The following SCN9A variants were observed in gnomAD, a reference collection of about 807,000 sequenced individuals.
SCN9A encodes the protein sodium voltage-gated channel alpha subunit 9.
SCN9A carries 131 observed loss-of-function variants against 187.0 expected under a neutral mutation model. The ratio of observed to expected loss-of-function variants is 0.70; its 90% CI spans 0.61 to 0.81. SCN9A has a LOEUF of 0.81. Ranked by LOEUF, SCN9A falls within the 30% of genes least tolerant of loss-of-function variation. The probability of loss-of-function intolerance (pLI) is 0.00; values close to 1 mark genes in which losing one functional copy is unlikely to be tolerated. For missense variants in SCN9A, 2,252 were observed against 2,396.6 expected, an observed-to-expected ratio of 0.94 and a Z score of 1.26; for synonymous variants, 809 against 808.6, an observed-to-expected ratio of 1.00 and a Z score of -0.01.
intron 1 of SCN9A, among the ~76,000 whole-genome samples, chr2:166,323,457 A>T (rs777812604): frequency 1.3e-5 from 2 of 152,162 alleles, no homozygotes; most frequent in African/African-American, 2.4e-5. Context: ...AATCTATAGG[A>T]TGAGGTGGGA....
At chr2:166,247,157 CAA>C (rs35833662) in intron 18 of SCN9A, among the ~76,000 whole-genome samples, 3 of 41,804 alleles carry the variant, frequency 7.2e-5, no homozygotes, top group East Asian at 8.3e-4. Flanking sequence ...CCAAAGCTCT[CAA>C]AAAAAAAAAA....
intron 18 of SCN9A, among the ~76,000 whole-genome samples, chr2:166,246,521 G>T (rs1695795898): frequency 6.6e-6 from 1 of 151,838 alleles, no homozygotes; most frequent in Non-Finnish European, 1.5e-5. Flanking sequence ...TTAACTCTAA[G>T]TTAATCTTTT....
chr2:166,276,814 C>T, intron 16 of SCN9A, 169 bp downstream of exon 16: 1 of 511,192 alleles, frequency 2.0e-6, no homozygotes. Flanking sequence ...AAAACTAATA[C>T]AAAATTTCGT....
intron 1 of SCN9A, chr2:166,321,409 G>A (rs1407677152): frequency 6.6e-6 from 1 of 151,930 alleles, no homozygotes; most frequent in Non-Finnish European, 1.5e-5. Context: ...AGTCTCAGCT[G>A]CTTGAGAGTA....
chr2:166,283,957 T>C (rs1023805834), intron 12 of SCN9A, among the ~76,000 whole-genome samples: 1 of 152,136 alleles, frequency 6.6e-6, no homozygotes, highest in Admixed American at 6.5e-5. Context: ...GATAATAATG[T>C]ATCATCTCAT....
chr2:166,358,761 G>C (rs971712074), intron 1 of SCN9A, among the ~76,000 whole-genome samples: 1 of 151,968 alleles, frequency 6.6e-6, no homozygotes, highest in Non-Finnish European at 1.5e-5. Flanking sequence ...GTGATGACTG[G>C]GTTTTCACAT....
intron 1 of SCN9A, among the ~76,000 whole-genome samples, chr2:166,336,490 A>C (rs1346709316): frequency 6.6e-6 from 1 of 152,146 alleles, no homozygotes; most frequent in Non-Finnish European, 1.5e-5. Context: ...GGTAGAGGAC[A>C]GAGAGGCTGC....
chr2:166,201,982 T>G (rs1693558897), intron 26 of SCN9A, among the ~76,000 whole-genome samples: 1 of 151,902 alleles, frequency 6.6e-6, no homozygotes, highest in Admixed American at 6.6e-5. Context: ...TTTTAACTTC[T>G]GTTTTTGGCT....
intron 1 of SCN9A, among the ~76,000 whole-genome samples, chr2:166,347,280 C>T (rs373748468): frequency 1.3e-5 from 2 of 152,140 alleles, no homozygotes; most frequent in East Asian, 1.9e-4. Context: ...TTTCCAATTA[C>T]ACCTACAACT....
At chr2:166,359,143 T>C (rs923910306) in intron 1 of SCN9A, among the ~76,000 whole-genome samples, 2 of 152,184 alleles carry the variant, frequency 1.3e-5, no homozygotes, top group African/African-American at 4.8e-5. Flanking sequence ...TTACCCTATT[T>C]GCATAAAATA....
At chr2:166,314,410 G>A (rs1482630999) in intron 1 of SCN9A, among the ~76,000 whole-genome samples, 1 of 152,184 alleles carries the variant, frequency 6.6e-6, no homozygotes, top group African/African-American at 2.4e-5. Flanking sequence ...AAAGTAGGAT[G>A]ATTCTGAAAG....
intron 1 of SCN9A, among the ~76,000 whole-genome samples, chr2:166,334,406 A>T (rs1194297093): frequency 6.6e-6 from 1 of 152,070 alleles, no homozygotes; most frequent in African/African-American, 2.4e-5. Flanking sequence ...TCCCATTTAT[A>T]CTTTGCTTTA....
chr2:166,371,598 C>A (rs754462186), intron 1 of SCN9A, among the ~76,000 whole-genome samples: 7 of 152,186 alleles, frequency 4.6e-5, no homozygotes, highest in Non-Finnish European at 7.3e-5. Flanking sequence ...CCCACATTCT[C>A]TGGATGCTCT....
At chr2:166,237,330 A>G (rs1320361193) in intron 20 of SCN9A, among the ~76,000 whole-genome samples, 2 of 152,018 alleles carry the variant, frequency 1.3e-5, no homozygotes, top group Admixed American at 6.6e-5. Context: ...GAAGCCTGTA[A>G]AAATATTTCT....
chr2:166,359,662 A>G (rs10930217), intron 1 of SCN9A, among the ~76,000 whole-genome samples: 87,610 of 151,752 alleles, frequency 0.58, 27,001 homozygotes, highest in African/African-American at 0.79. Context: ...TCAATATTTC[A>G]TGTCCTAAAA....
At chr2:166,268,077 A>G (rs73021684) in intron 17 of SCN9A, among the ~76,000 whole-genome samples, 1,918 of 152,150 alleles carry the variant, frequency 0.013, 45 homozygotes, top group African/African-American at 0.043. Context: ...CAGTGTGTAT[A>G]TAAGCACTCA....
intron 1 of SCN9A, among the ~76,000 whole-genome samples, chr2:166,341,727 T>C (rs1207686847): frequency 1.3e-5 from 2 of 152,212 alleles, no homozygotes; most frequent in East Asian, 3.9e-4. Flanking sequence ...GCTATTATAT[T>C]ACTTTTGCTA....
At chr2:166,301,896 T>C (rs1456683348) in intron 7 of SCN9A, 1 of 151,022 alleles carries the variant, frequency 6.6e-6, no homozygotes, top group Non-Finnish European at 1.5e-5. Flanking sequence ...AAAATATATA[T>C]GCTAAACATT....
chr2:166,342,344 T>C (rs1699806437), intron 1 of SCN9A, among the ~76,000 whole-genome samples: 1 of 152,226 alleles, frequency 6.6e-6, no homozygotes, highest in South Asian at 2.1e-4. Context: ...TTTTTGACAC[T>C]GCAGGCCAGT....
Sources: allele counts gnomAD v4.1 joint callset (sites outside exome capture counted in the v4.1 genomes callset), GRCh38; gene constraint gnomAD v4.1.1; transcripts MANE v1.5; gene names NCBI Gene and HGNC (gene_info 2026-07-23, HGNC 2026-07-21).